CLYBL: variants seen among roughly 807,000 people sequenced by gnomAD.
CLYBL encodes the protein citramalyl-CoA lyase, mitochondrial.
In CLYBL, 31 loss-of-function variants were observed where a neutral mutation model predicts 38.9. The observed-to-expected ratio is 0.80, with a 90% CI of 0.60 to 1.08. CLYBL has a LOEUF of 1.08. Ranked by LOEUF, CLYBL falls within the 50% of genes least tolerant of loss-of-function variation. CLYBL has a pLI of 0.00. For synonymous variants in CLYBL, 171 were observed against 158.6 expected (o/e 1.08, Z -0.59); for missense variants, 434 against 411.6 (o/e 1.05, Z -0.47).
chr13:99,904,577 A>G (rs2052675438), intron 8 of CLYBL, among the ~76,000 whole-genome samples: 1 of 152,250 alleles, frequency 6.6e-6, no homozygotes, highest in Non-Finnish European at 1.5e-5. Flanking sequence ...TTTCGAAATC[A>G]GCCACACGTG....
At chr13:99,730,735 T>C (rs1173596418) in intron 1 of CLYBL, among the ~76,000 whole-genome samples, 1 of 152,120 alleles carries the variant, frequency 6.6e-6, no homozygotes, top group African/African-American at 2.4e-5. Context: ...CCAGAGGCAG[T>C]GCCGACCATC....
At chr13:99,821,208 A>C (rs2050582064) in intron 2 of CLYBL, among the ~76,000 whole-genome samples, 2 of 152,174 alleles carry the variant, frequency 1.3e-5, no homozygotes, top group Non-Finnish European at 1.5e-5. Context: ...GGCTCCCACT[A>C]TCCAAACTTA....
Position 99,608,061 on chromosome 13 carries a change from CTTTTTT to C in CLYBL, c.62+1324_62+1329del, listed in dbSNP as rs56149363. Among the ~76,000 whole-genome samples, 4 of 75,024 alleles carry C rather than the reference CTTTTTT, an allele frequency of 5.3e-5. No individual in the cohort carries two copies. In the East Asian group the frequency reaches 1.7e-3, roughly 32 times the overall value. 49.2% of individuals were successfully genotyped at this position (75,024 alleles called of 152,430 possible). A position where few individuals can be genotyped will look rare whatever the true frequency, so the allele number is the denominator to read the frequency against. On this transcript the variant is annotated intron_variant, in intron 1 of 8. Transcript: ENST00000339105. ...TGGCCGGCCTGGTGGTCTGGAACTT[CTTTTTT>C]TTTTTTTTTTTTTTTTTTTCCGAGA... is the stretch of plus-strand genomic sequence containing the variant.
At chr13:99,864,722 T>G in intron 4 of CLYBL, 96 bp from the exon 5 acceptor site, 1 of 807,254 alleles carries the variant, frequency 1.2e-6, no homozygotes, top group Non-Finnish European at 2.1e-6. Flanking sequence ...CAAACTGTGT[T>G]AAGAGTCAGG....
chr13:99,862,920 A>T, intron 3 of CLYBL, 71 bp from the exon 4 acceptor site: 2 of 815,158 alleles, frequency 2.5e-6, no homozygotes, highest in Non-Finnish European at 2.0e-6. Flanking sequence ...CTTAAATACT[A>T]CTTCTGGGTC....
chr13:99,814,591 A>G (rs1275301944), intron 2 of CLYBL, among the ~76,000 whole-genome samples: 3 of 151,902 alleles, frequency 2.0e-5, no homozygotes, highest in African/African-American at 7.3e-5. Flanking sequence ...AGCCAGGCAT[A>G]GTAGCATTCA....
chr13:99,669,739 C>T (rs1290645184), intron 1 of CLYBL, among the ~76,000 whole-genome samples: 4 of 152,226 alleles, frequency 2.6e-5, no homozygotes, highest in Admixed American at 6.5e-5. Flanking sequence ...CTGCACCCCA[C>T]ACAGCATATA....
intron 1 of CLYBL, among the ~76,000 whole-genome samples, chr13:99,710,126 G>A (rs2048207805): frequency 1.3e-5 from 2 of 151,672 alleles, no homozygotes; most frequent in Non-Finnish European, 2.9e-5. Flanking sequence ...GGGTTTCACC[G>A]TGGTCTCGAT....
intron 1 of CLYBL, among the ~76,000 whole-genome samples, chr13:99,618,260 C>G (rs143774115): frequency 1.3e-5 from 2 of 151,618 alleles, no homozygotes; most frequent in East Asian, 3.9e-4. Flanking sequence ...TTATACATAA[C>G]AAAATTATCA....
At chr13:99,851,875 A>G (rs1224811857) in intron 2 of CLYBL, among the ~76,000 whole-genome samples, 3 of 152,234 alleles carry the variant, frequency 2.0e-5, no homozygotes, top group East Asian at 1.9e-4. Flanking sequence ...ACCTATGTCC[A>G]TATAAAAACC....
intron 7 of CLYBL, among the ~76,000 whole-genome samples, chr13:99,886,887 C>T (rs2052363701): frequency 6.6e-6 from 1 of 152,348 alleles, no homozygotes; most frequent in South Asian, 2.1e-4. Context: ...GGCCAAGTCT[C>T]ATCCTCTCAC....
chr13:99,657,442 T>G (rs2047344883), intron 1 of CLYBL, among the ~76,000 whole-genome samples: 1 of 152,234 alleles, frequency 6.6e-6, no homozygotes, highest in Non-Finnish European at 1.5e-5. Context: ...TATTGTCTTT[T>G]GATAGTTCTT....
At chr13:99,769,655 G>T (rs551536960) in intron 1 of CLYBL, among the ~76,000 whole-genome samples, 8 of 152,314 alleles carry the variant, frequency 5.3e-5, no homozygotes, top group Admixed American at 5.2e-4. Context: ...TCTTCAATTA[G>T]CTGGCAATAA....
intron 2 of CLYBL, among the ~76,000 whole-genome samples, chr13:99,784,457 T>C (rs1355544854): frequency 5.8e-5 from 8 of 137,878 alleles, no homozygotes; most frequent in Non-Finnish European, 9.8e-5. Context: ...CTCTTTTTTT[T>C]TTTTTTTTTT....
At chr13:99,908,069 C>T (rs1378133726) in exon 10 of CLYBL, among the ~76,000 whole-genome samples, 1 of 152,168 alleles carries the variant, frequency 6.6e-6, no homozygotes, top group Non-Finnish European at 1.5e-5. Flanking sequence ...TTGGAAAGAG[C>T]TTTTTCCTTC....
chr13:99,607,940 C>G (rs1293541516), intron 1 of CLYBL, among the ~76,000 whole-genome samples: 1 of 151,942 alleles, frequency 6.6e-6, no homozygotes, highest in Non-Finnish European at 1.5e-5. Context: ...GACAGAGTTT[C>G]GCCATGTTGG....
chr13:99,776,880 T>G (rs114009483), intron 2 of CLYBL, among the ~76,000 whole-genome samples: 4,314 of 147,126 alleles, frequency 0.029, 101 homozygotes, highest in South Asian at 0.088. Flanking sequence ...TTCATGCACG[T>G]TTTTTTTTTT....
At position 99,614,470 on chromosome 13, in the gene CLYBL, T is replaced by G. The variant is rs189814344; in HGVS notation, c.62+7713T>G. ...AGTGGAATTTGTGGGAAATCAGATTTCCCTGAGCAAAAACCAGTGGGCAGC... is the reference window on the plus strand; with the variant it reads ...AGTGGAATTTGTGGGAAATCAGATTGCCCTGAGCAAAAACCAGTGGGCAGC... On this transcript the variant is annotated intron_variant, in intron 1 of 8. Coordinates refer to ENST00000339105, the MANE Select transcript of CLYBL (RefSeq NM_206808.5). Among the ~76,000 whole-genome samples, 17 of 152,106 alleles carry G rather than the reference T, an allele frequency of 1.1e-4. No homozygotes were observed. In the East Asian group the frequency reaches 3.1e-3, roughly 28 times the overall value.
intron 2 of CLYBL, among the ~76,000 whole-genome samples, chr13:99,830,053 C>T (rs746040739): frequency 3.9e-5 from 6 of 152,072 alleles, no homozygotes; most frequent in Non-Finnish European, 7.4e-5. Flanking sequence ...AGGGGATGTG[C>T]GTTCAAGTCC....
Sources: allele counts gnomAD v4.1 joint callset (sites outside exome capture counted in the v4.1 genomes callset), GRCh38; gene constraint gnomAD v4.1.1; transcripts MANE v1.5; gene names NCBI Gene and HGNC (gene_info 2026-07-23, HGNC 2026-07-21).